Variants in SNTG1 observed in about 807,000 individuals in gnomAD.
SNTG1 encodes the protein gamma-1-syntrophin.
A neutral mutation model predicts 74.7 loss-of-function variants in SNTG1; 39 were observed. The observed-to-expected ratio is 0.52, with a 90% confidence interval of 0.40 to 0.68. SNTG1 has a LOEUF of 0.68. Among genes scored for constraint, SNTG1 ranks in the 30% least tolerant of loss-of-function variants. The probability of loss-of-function intolerance (pLI) is 0.00; values close to 1 mark genes in which losing one functional copy is unlikely to be tolerated. For synonymous variants in SNTG1, 254 were observed against 217.1 expected (o/e 1.17, Z -1.49); for missense variants, 685 against 609.5 (o/e 1.12, Z -1.30).
chr8:50,498,350 T>C (rs946983008), intron 8 of SNTG1, among the ~76,000 whole-genome samples: 73 of 151,862 alleles, frequency 4.8e-4, no homozygotes, highest in African/African-American at 1.3e-3. Context: ...TACATTTCAC[T>C]AATTGCTATT....
chr8:50,397,521 C>A (rs1272119743), intron 3 of SNTG1, among the ~76,000 whole-genome samples: 1 of 152,146 alleles, frequency 6.6e-6, no homozygotes, highest in Non-Finnish European at 1.5e-5. Context: ...ATCAGACAGT[C>A]TCCTAGTAGC....
chr8:50,022,204 C>A (rs1816885712), intron 1 of SNTG1, among the ~76,000 whole-genome samples: 1 of 151,998 alleles, frequency 6.6e-6, no homozygotes, highest in Non-Finnish European at 1.5e-5. Flanking sequence ...AAATAACATC[C>A]CTGTGATGGA....
intron 1 of SNTG1, among the ~76,000 whole-genome samples, chr8:50,097,929 T>C (rs931962178): frequency 6.6e-6 from 1 of 152,208 alleles, no homozygotes; most frequent in Non-Finnish European, 1.5e-5. Flanking sequence ...CTTGGCATGC[T>C]TAGTTTACAT....
At chr8:50,206,989 T>G (rs1348907300) in intron 2 of SNTG1, among the ~76,000 whole-genome samples, 3 of 152,198 alleles carry the variant, frequency 2.0e-5, no homozygotes, top group Non-Finnish European at 4.4e-5. Context: ...TGAGGATTTT[T>G]GCATTAATGT....
chr8:50,600,372 AT>A lies in SNTG1; in HGVS notation c.849+9457del, dbSNP rs571334463. Among the ~76,000 whole-genome samples the A allele has an allele frequency of 4.3e-3, 648 of 152,142 alleles. 9 individuals carry two copies. The highest frequency in any genetic ancestry group is 0.014 in the African/African-American group (586 of 41,536). On this transcript the variant is annotated intron_variant, in intron 13 of 18. Coordinates refer to ENST00000642720, the MANE Select transcript of SNTG1 (RefSeq NM_018967.5). ...TTGGAAGAGTTTAAGTAGGATTGGT[AT>A]TAGTTCTTTAAATGTTTGATAGAAT...
At chr8:50,352,611 G>A (rs1237447723) in intron 2 of SNTG1, among the ~76,000 whole-genome samples, 1 of 151,908 alleles carries the variant, frequency 6.6e-6, no homozygotes, top group African/African-American at 2.4e-5. Context: ...GGCTGGTCAT[G>A]AACTCCTGAC....
intron 15 of SNTG1, among the ~76,000 whole-genome samples, chr8:50,671,472 T>G (rs1427128728): frequency 6.6e-6 from 1 of 152,042 alleles, no homozygotes; most frequent in African/African-American, 2.4e-5. Flanking sequence ...ATCAGAGAAA[T>G]GCAAATCAAA....
At chr8:50,360,026 A>G (rs574039659) in intron 2 of SNTG1, among the ~76,000 whole-genome samples, 1 of 152,132 alleles carries the variant, frequency 6.6e-6, no homozygotes, top group African/African-American at 2.4e-5. Context: ...TCTGTAGAAG[A>G]GTGAGGATAA....
At chr8:49,937,198 A>G (rs1404388826) in intron 1 of SNTG1, among the ~76,000 whole-genome samples, 1 of 152,136 alleles carries the variant, frequency 6.6e-6, no homozygotes, top group African/African-American at 2.4e-5. Context: ...TGATAAAAGA[A>G]GTCAGACCAA....
intron 18 of SNTG1, among the ~76,000 whole-genome samples, chr8:50,790,636 A>C (rs570322408): frequency 6.6e-6 from 1 of 151,878 alleles, no homozygotes; most frequent in African/African-American, 2.4e-5. Flanking sequence ...CAGAGGAAAG[A>C]TGTGTGGGCA....
At chr8:49,950,272 T>A (rs777050662) in intron 1 of SNTG1, among the ~76,000 whole-genome samples, 8 of 152,236 alleles carry the variant, frequency 5.3e-5, no homozygotes, top group Non-Finnish European at 8.8e-5. Context: ...TTAAAATGAA[T>A]GTTAAACATG....
At chr8:50,321,393 C>T (rs1411240057) in intron 2 of SNTG1, among the ~76,000 whole-genome samples, 2 of 152,004 alleles carry the variant, frequency 1.3e-5, no homozygotes, top group African/African-American at 4.8e-5. Context: ...ACATATTTTT[C>T]CATCCCTTTA....
At chr8:50,565,904 A>G (rs1232111671) in intron 12 of SNTG1, among the ~76,000 whole-genome samples, 1 of 151,990 alleles carries the variant, frequency 6.6e-6, no homozygotes, top group East Asian at 1.9e-4. Flanking sequence ...TTTTACGCAG[A>G]GGTAATAAAA....
intron 2 of SNTG1, among the ~76,000 whole-genome samples, chr8:50,266,644 TTATG>T (rs556116520): frequency 0.066 from 8,535 of 129,720 alleles, 533 homozygotes; most frequent in Non-Finnish European, 0.08. Context: ...AGACACAGAA[TTATG>T]TGTGTGTGTG....
At chr8:50,366,475 A>C (rs1389447690) in intron 2 of SNTG1, among the ~76,000 whole-genome samples, 2 of 152,010 alleles carry the variant, frequency 1.3e-5, no homozygotes, top group Non-Finnish European at 2.9e-5. Flanking sequence ...GCCCCTTTCA[A>C]CCATAACCAT....
chr8:50,198,093 C>A (rs1472113899), intron 2 of SNTG1, among the ~76,000 whole-genome samples: 2 of 152,078 alleles, frequency 1.3e-5, no homozygotes, highest in Non-Finnish European at 2.9e-5. Context: ...TCAGAATGAG[C>A]CCCATATCAG....
chr8:50,418,945 A>G (rs184843320), intron 4 of SNTG1, among the ~76,000 whole-genome samples: 39 of 152,294 alleles, frequency 2.6e-4, no homozygotes, highest in Admixed American at 2.0e-4. Flanking sequence ...TCTGGAAAGT[A>G]GGGATAGAAC....
intron 2 of SNTG1, among the ~76,000 whole-genome samples, chr8:50,374,924 T>A (rs2092345272): frequency 1.3e-5 from 2 of 152,082 alleles, no homozygotes; most frequent in Admixed American, 1.3e-4. Context: ...AGAAAGAAAG[T>A]CACAAACTCA....
At chr8:50,386,272 C>G (rs1240092058) in intron 2 of SNTG1, among the ~76,000 whole-genome samples, 1 of 152,104 alleles carries the variant, frequency 6.6e-6, no homozygotes, top group Non-Finnish European at 1.5e-5. Flanking sequence ...CACAGCCCCT[C>G]TTCTGATTGG....
Sources: gnomAD v4.1 joint callset for allele counts (sites outside exome capture counted in the v4.1 genomes callset) on GRCh38, gnomAD v4.1.1 for gene constraint, MANE v1.5 for transcripts, NCBI Gene and HGNC (gene_info 2026-07-23, HGNC 2026-07-21) for gene names.